SMURF2: variants seen among roughly 807,000 people sequenced by gnomAD.
The protein encoded by SMURF2 is SMAD specific E3 ubiquitin protein ligase 2.
A neutral mutation model predicts 109.6 loss-of-function variants in SMURF2; 48 were observed. That is an observed-to-expected ratio of 0.44 (90% confidence interval 0.35 to 0.56). The LOEUF (loss-of-function observed/expected upper bound fraction) is 0.56, where lower values mean the gene tolerates loss of function less well. SMURF2 is among the 20% of genes least tolerant of loss of function. The probability of loss-of-function intolerance (pLI) is 0.01; values close to 1 mark genes in which losing one functional copy is unlikely to be tolerated. For synonymous variants in SMURF2, 288 were observed against 317.1 expected, an observed-to-expected ratio of 0.91 and a Z score of 0.97; for missense variants, 575 against 909.0, an observed-to-expected ratio of 0.63 and a Z score of 4.72.
At chr17:64,557,182 C>A (rs1012252281) in intron 13 of SMURF2, among the ~76,000 whole-genome samples, 3 of 152,196 alleles carry the variant, frequency 2.0e-5, no homozygotes, top group Non-Finnish European at 4.4e-5. Context: ...ATTCTCATAA[C>A]CCCTCTTTGA....
intron 10 of SMURF2, among the ~76,000 whole-genome samples, chr17:64,568,433 A>G (rs1186755989): frequency 7.9e-5 from 12 of 151,904 alleles, no homozygotes; most frequent in African/African-American, 2.7e-4. Context: ...AAGCACAACC[A>G]CCTCTTGGAG....
At chr17:64,637,404 G>A (rs969778209) in intron 1 of SMURF2, among the ~76,000 whole-genome samples, 1 of 152,072 alleles carries the variant, frequency 6.6e-6, no homozygotes, top group Admixed American at 6.6e-5. Context: ...AGGATTACAG[G>A]TGTGAGCCAC....
chr17:64,614,154 G>C (rs782518177), intron 1 of SMURF2, among the ~76,000 whole-genome samples: 2 of 152,078 alleles, frequency 1.3e-5, no homozygotes, highest in Admixed American at 6.6e-5. Context: ...TGCAGCCCAT[G>C]GCCCAGGGTT....
At chr17:64,610,576 G>A (rs908463989) in intron 1 of SMURF2, among the ~76,000 whole-genome samples, 1 of 152,094 alleles carries the variant, frequency 6.6e-6, no homozygotes, top group African/African-American at 2.4e-5. Flanking sequence ...ATGGACACAT[G>A]GAGGGGAACA....
intron 3 of SMURF2, among the ~76,000 whole-genome samples, chr17:64,596,155 G>A (rs1397794409): frequency 1.3e-5 from 2 of 151,806 alleles, no homozygotes; most frequent in African/African-American, 2.4e-5. Flanking sequence ...CATGTTGAAA[G>A]TATTTTTGAT....
At chr17:64,617,329 G>A (rs1187380700) in intron 1 of SMURF2, among the ~76,000 whole-genome samples, 1 of 151,968 alleles carries the variant, frequency 6.6e-6, no homozygotes, top group Non-Finnish European at 1.5e-5. Flanking sequence ...AGGCCCTTAA[G>A]TTTAACTTAA....
At chr17:64,560,311 CCCAATAAA>C (rs1969194555) in intron 12 of SMURF2, among the ~76,000 whole-genome samples, 3 of 152,184 alleles carry the variant, frequency 2.0e-5, no homozygotes, top group Admixed American at 2.0e-4. Flanking sequence ...ATGAAGTGTT[CCCAATAAA>C]CATTCACTCT....
intron 1 of SMURF2, among the ~76,000 whole-genome samples, chr17:64,615,631 G>T (rs1970110030): frequency 1.3e-5 from 2 of 152,176 alleles, no homozygotes; most frequent in African/African-American, 4.8e-5. Context: ...ATGTGTTTTA[G>T]TTATTGTTGC....
Position 64,545,816 on chromosome 17 carries a change from A to T in SMURF2, c.*32T>A. On this transcript the variant is annotated 3_prime_UTR_variant, in exon 19 of 19. Transcript: ENST00000262435. ...AGGAGGCTGTCAGTCAGGGTTGTAT[A>T]AATAGAGTCCTGGGTAAATCCTTGA... The T allele has an allele frequency of 7.6e-7, 1 of 1,314,608 alleles. No homozygotes were observed. The highest frequency in any genetic ancestry group is 1.4e-5 in the African/African-American group (1 of 69,228). 81.4% of individuals were successfully genotyped at this position (1,314,608 alleles called of 1,614,324 possible).
At chr17:64,621,899 AAATAAAT>A (rs1970207589) in intron 1 of SMURF2, among the ~76,000 whole-genome samples, 1 of 141,110 alleles carries the variant, frequency 7.1e-6, no homozygotes, top group African/African-American at 2.7e-5. Flanking sequence ...ATAAATAAAT[AAATAAAT>A]AATAATAATA....
At chr17:64,553,403 G>C (rs1305399680) in intron 15 of SMURF2, among the ~76,000 whole-genome samples, 6 of 152,162 alleles carry the variant, frequency 3.9e-5, no homozygotes, top group African/African-American at 1.4e-4. Flanking sequence ...CTACTCGGGA[G>C]GCTGAGGCAG....
Position 64,581,130 on chromosome 17 carries a change from A to G in SMURF2, c.570-139T>C, listed in dbSNP as rs1598280892. On this transcript the variant is annotated intron_variant, in intron 7 of 18. Coordinates refer to ENST00000262435, the MANE Select transcript of SMURF2 (RefSeq NM_022739.4). The surrounding 1 kb of genome is among the most constrained non-coding windows in gnomAD (Gnocchi z 4.3). ...TGACTAATACAAGTATAATGACTTC[A>G]AGAACTCTGAGTAAAAGCAAACCTG... 3.9e-6 allele frequency: 3 copies of G among 761,498 alleles called. No individual in the cohort carries two copies. In the East Asian group the frequency reaches 8.0e-5, roughly 20 times the overall value. The allele number at this position is 761,498 out of a possible 1,614,324, so 47.2% of individuals were successfully genotyped here.
chr17:64,566,573 T>TTGTTG (rs1969310909), intron 10 of SMURF2, among the ~76,000 whole-genome samples: 1 of 100,910 alleles, frequency 9.9e-6, no homozygotes, highest in Non-Finnish European at 2.1e-5. Context: ...TTTTTTTTTT[T>TTGTTG]TTTTTTTTTT....
chr17:64,631,279 G>GGGGGGA (rs1970338690), intron 1 of SMURF2, among the ~76,000 whole-genome samples: 1 of 7,442 alleles, frequency 1.3e-4, no homozygotes, highest in African/African-American at 5.2e-4. Context: ...AGAGGGGGGG[G>GGGGGGA]GGGAGAGAGA....
chr17:64,635,828 T>A (rs1429797399), intron 1 of SMURF2, among the ~76,000 whole-genome samples: 1 of 152,218 alleles, frequency 6.6e-6, no homozygotes, highest in Non-Finnish European at 1.5e-5. Context: ...TTCTCTTATG[T>A]ATGTACCTAG....
At chr17:64,550,999 A>G (rs1969036935) in intron 16 of SMURF2, among the ~76,000 whole-genome samples, 1 of 152,164 alleles carries the variant, frequency 6.6e-6, no homozygotes, top group African/African-American at 2.4e-5. Context: ...CATATAAGTC[A>G]CGAAATCTGT....
rs9906078 is a variant in SMURF2 at position 64,545,390 on chromosome 17, A to G, written c.*458T>C. 1 of 152,696 alleles carries G rather than the reference A, an allele frequency of 6.5e-6. No individual in the cohort carries two copies. Among genetic ancestry groups the G allele is most frequent in the Non-Finnish European group, 1.5e-5 (1 of 68,098 alleles). 9.5% of individuals were successfully genotyped at this position (152,696 alleles called of 1,614,324 possible). Reference sequence around the variant, plus strand: ...AAAATAATTTTATTTTTTTTTACAAAGAGCAAGTACAGGAGCTGTTCAAGA... The same window carrying G: ...AAAATAATTTTATTTTTTTTTACAAGGAGCAAGTACAGGAGCTGTTCAAGA... On this transcript the variant is annotated 3_prime_UTR_variant, in exon 19 of 19. Coordinates refer to ENST00000262435, the MANE Select transcript of SMURF2 (RefSeq NM_022739.4).
At chr17:64,655,252 CTTTTTT>C (rs749497302) in intron 1 of SMURF2, among the ~76,000 whole-genome samples, 6 of 85,902 alleles carry the variant, frequency 7.0e-5, no homozygotes, top group East Asian at 3.3e-4. Context: ...AATGAAATGT[CTTTTTT>C]TTTTTTTTTT....
chr17:64,637,011 G>A (rs1018735145), intron 1 of SMURF2, among the ~76,000 whole-genome samples: 2 of 151,994 alleles, frequency 1.3e-5, no homozygotes, highest in Admixed American at 1.3e-4. Flanking sequence ...CTTGAGCCCA[G>A]GAGTTCGAGA....
Sources: allele counts gnomAD v4.1 joint callset (sites outside exome capture counted in the v4.1 genomes callset), GRCh38; gene constraint gnomAD v4.1.1; non-coding constraint Gnocchi (gnomAD v3.1); transcripts MANE v1.5; gene names NCBI Gene and HGNC (gene_info 2026-07-23, HGNC 2026-07-21).